Variants in OPHN1 observed in about 807,000 individuals in gnomAD.
OPHN1 encodes oligophrenin-1.
Under a neutral mutation model 60.7 loss-of-function variants are expected in OPHN1, and 11 were observed. That is an observed-to-expected ratio of 0.18 (90% CI 0.11 to 0.30). The LOEUF is 0.30. Among genes scored for constraint, OPHN1 ranks in the 10% least tolerant of loss-of-function variants. OPHN1 has a pLI of 1.00. For missense variants in OPHN1, 449 were observed against 611.0 expected, an observed-to-expected ratio of 0.73 and a Z score of 2.80; for synonymous variants, 226 against 222.6, an observed-to-expected ratio of 1.02 and a Z score of -0.14.
At chrX:68,274,883 C>T (rs762517873) in intron 4 of OPHN1, 74 bp from the exon 5 acceptor site, 176 of 753,018 alleles carry the variant, frequency 2.3e-4, no homozygotes, top group Admixed American at 4.0e-4. Context: ...CTTGTTACTA[C>T]ATTTTCATTT....
intron 19 of OPHN1, among the ~76,000 whole-genome samples, chrX:68,073,691 C>A (rs909315718): frequency 1.8e-5 from 2 of 111,715 alleles, no homozygotes; most frequent in Non-Finnish European, 3.8e-5. Context: ...ATTAAAGGAG[C>A]TGTCAAGGTG....
At chrX:68,255,943 T>C (rs1318806961) in intron 5 of OPHN1, among the ~76,000 whole-genome samples, 3 of 110,994 alleles carry the variant, frequency 2.7e-5, no homozygotes, top group Non-Finnish European at 3.8e-5. Context: ...GGGTTTGTCA[T>C]CTCTTGCCAG....
chrX:68,422,848 GAGAAAAGAAAAGAAAAA>G (rs1486734012), intron 2 of OPHN1, among the ~76,000 whole-genome samples: 7 of 108,913 alleles, frequency 6.4e-5, no homozygotes, highest in African/African-American at 1.0e-4. Flanking sequence ...GAAAGGAAAA[GAGAAAAGAAAAGAAAAA>G]AGAAAAGAAA....
At chrX:68,229,588 G>T (rs1259750977) in intron 6 of OPHN1, among the ~76,000 whole-genome samples, 1 of 111,238 alleles carries the variant, frequency 9.0e-6, no homozygotes, top group Admixed American at 9.6e-5. Flanking sequence ...GAACAGAATA[G>T]ATCCCTCAGA....
intron 2 of OPHN1, among the ~76,000 whole-genome samples, chrX:68,316,372 T>C (rs1395667304): frequency 1.8e-5 from 2 of 112,235 alleles, no homozygotes; most frequent in African/African-American, 3.2e-5. Flanking sequence ...GACATTCTTT[T>C]CAAGCGTCCA....
intron 2 of OPHN1, among the ~76,000 whole-genome samples, chrX:68,411,569 T>C (rs1194191146): frequency 8.9e-6 from 1 of 112,476 alleles, no homozygotes; most frequent in Non-Finnish European, 1.9e-5. Context: ...ATATGTCTTC[T>C]TTTGAAAAGT....
Position 68,173,545 on chromosome X carries a change from A to G in OPHN1, c.1276+19374T>C, listed in dbSNP as rs146301019. Reference sequence around the variant, plus strand: ...ACAATTAGGCATCATACCATCTGCCAGGATAAAGAAGTATCCTGTGAAAGG... The same window carrying G: ...ACAATTAGGCATCATACCATCTGCCGGGATAAAGAAGTATCCTGTGAAAGG... On this transcript the variant is annotated intron_variant, in intron 15 of 24. Transcript: ENST00000355520. Among the ~76,000 whole-genome samples the G allele has an allele frequency of 4.3e-3, 486 of 111,751 alleles. 3 individuals carry two copies. Among genetic ancestry groups the G allele is most frequent in the African/African-American group, 0.015 (461 of 30,740 alleles).
intron 5 of OPHN1, among the ~76,000 whole-genome samples, chrX:68,268,163 C>G (rs934657178): frequency 9.0e-6 from 1 of 111,449 alleles, no homozygotes; most frequent in African/African-American, 3.3e-5. Context: ...TACAGAGGTA[C>G]AAGGAGCAGC....
At chrX:68,316,146 G>A (rs960398942) in intron 2 of OPHN1, among the ~76,000 whole-genome samples, 1 of 110,679 alleles carries the variant, frequency 9.0e-6, no homozygotes, top group East Asian at 2.8e-4. Context: ...TCCTAAATGT[G>A]TATGCACAAA....
intron 18 of OPHN1, among the ~76,000 whole-genome samples, chrX:68,110,561 C>A (rs1422529853): frequency 1.8e-5 from 2 of 111,898 alleles, no homozygotes; most frequent in Non-Finnish European, 3.8e-5. Flanking sequence ...GGAACTTTCT[C>A]TAGGTCACAC....
At chrX:68,129,194 T>A (rs948887344) in intron 15 of OPHN1, among the ~76,000 whole-genome samples, 2 of 111,988 alleles carry the variant, frequency 1.8e-5, no homozygotes, top group Non-Finnish European at 3.8e-5. Flanking sequence ...CCCTGGAGCA[T>A]GCCATGTATA....
intron 2 of OPHN1, among the ~76,000 whole-genome samples, chrX:68,322,143 T>C (rs1183676261): frequency 3.6e-5 from 4 of 109,659 alleles, no homozygotes; most frequent in African/African-American, 1.3e-4. Flanking sequence ...GCTAATTTTT[T>C]GTACTTTTTG....
chrX:68,321,837 T>C (rs1038628864), intron 2 of OPHN1, among the ~76,000 whole-genome samples: 4 of 109,784 alleles, frequency 3.6e-5, no homozygotes, highest in Admixed American at 2.9e-4. Context: ...TTGAGGCAGG[T>C]GAATCGCTTG....
chrX:68,257,694 A>C (rs2077871073), intron 5 of OPHN1, among the ~76,000 whole-genome samples: 1 of 112,041 alleles, frequency 8.9e-6, no homozygotes, highest in Non-Finnish European at 1.9e-5. Flanking sequence ...ATCAACTAAA[A>C]TTTAAAATAC....
intron 19 of OPHN1, among the ~76,000 whole-genome samples, chrX:68,076,220 T>C (rs1323864279): frequency 9.1e-6 from 1 of 110,023 alleles, no homozygotes; most frequent in African/African-American, 3.3e-5. Context: ...ATAAAAAAAG[T>C]TCAACATCAT....
intron 15 of OPHN1, among the ~76,000 whole-genome samples, chrX:68,165,448 C>G (rs1235603202): frequency 1.8e-5 from 2 of 110,921 alleles, no homozygotes; most frequent in African/African-American, 6.6e-5. Context: ...AGGAGAGGCA[C>G]AGAGATAAGG....
chrX:68,365,818 CTT>C (rs11419921), intron 2 of OPHN1, among the ~76,000 whole-genome samples: 8 of 97,114 alleles, frequency 8.2e-5, no homozygotes, highest in Non-Finnish European at 6.2e-5. Flanking sequence ...CAATTATTCC[CTT>C]TTTTTTTTTT....
chrX:68,314,108 G>A (rs1275915010), intron 2 of OPHN1, among the ~76,000 whole-genome samples: 1 of 111,783 alleles, frequency 8.9e-6, no homozygotes, highest in African/African-American at 3.3e-5. Flanking sequence ...CCAACCAATT[G>A]GATTGCCTAG....
At chrX:68,110,177 C>T (rs2077098292) in intron 18 of OPHN1, among the ~76,000 whole-genome samples, 1 of 111,512 alleles carries the variant, frequency 9.0e-6, no homozygotes, top group Non-Finnish European at 1.9e-5. Flanking sequence ...AATTAATAAG[C>T]ATTAGGATTT....
Sources: allele counts gnomAD v4.1 joint callset (sites outside exome capture counted in the v4.1 genomes callset), GRCh38; gene constraint gnomAD v4.1.1; transcripts MANE v1.5; gene names NCBI Gene and HGNC (gene_info 2026-07-23, HGNC 2026-07-21).